Variants in DLGAP2 observed in about 807,000 individuals in gnomAD.
The protein encoded by DLGAP2 is disks large-associated protein 2.
In DLGAP2, 26 loss-of-function variants were observed where a neutral mutation model predicts 100.3. The ratio of observed to expected loss-of-function variants is 0.26; its 90% CI spans 0.19 to 0.36. The LOEUF (loss-of-function observed/expected upper bound fraction) is 0.36. Ranked by LOEUF, DLGAP2 falls within the 10% of genes least tolerant of loss-of-function variation. DLGAP2 has a pLI of 1.00. For synonymous variants in DLGAP2, 886 were observed against 630.1 expected, an observed-to-expected ratio of 1.41 and a Z score of -6.08; for missense variants, 1,858 against 1,453.2, an observed-to-expected ratio of 1.28 and a Z score of -4.53.
chr8:949,152 G>A (rs984914859), intron 2 of DLGAP2, among the ~76,000 whole-genome samples: 14 of 152,252 alleles, frequency 9.2e-5, no homozygotes, highest in African/African-American at 3.4e-4. Flanking sequence ...CAGCTGAAGG[G>A]ATTTGTGGGT....
intron 8 of DLGAP2, 59 bp downstream of exon 8, chr8:1,633,105 T>A: frequency 6.4e-7 from 1 of 1,565,106 alleles, no homozygotes; most frequent in South Asian, 1.1e-5. Flanking sequence ...CCTGTCTTCA[T>A]CCTAGAAGGA....
intron 1 of DLGAP2, among the ~76,000 whole-genome samples, chr8:857,430 A>T (rs1299888422): frequency 2.0e-5 from 3 of 152,242 alleles, no homozygotes; most frequent in Admixed American, 2.0e-4. Context: ...TTTGCAAAAC[A>T]CACACCTGAT....
intron 1 of DLGAP2, among the ~76,000 whole-genome samples, chr8:843,266 G>A (rs1043266876): frequency 3.9e-5 from 6 of 152,228 alleles, no homozygotes; most frequent in Non-Finnish European, 7.3e-5. Context: ...TTTGACTTCT[G>A]AGATTTCCTG....
Position 1,701,603 on chromosome 8 carries a change from TTTGTTGTTG to T in DLGAP2, c.*209_*217del, listed in dbSNP as rs796566572. On this transcript the variant is annotated 3_prime_UTR_variant, in exon 15 of 15. Transcript: ENST00000637795. ...GCTCGCGGCGAGGACGACTTCTGCT[TTTGTTGTTG>T]TTGTTGTTGTTCACGGGTGGCCTGG... 2 of 617,170 alleles carry T rather than the reference TTTGTTGTTG, an allele frequency of 3.2e-6. No individual in the cohort carries two copies. The highest frequency in any genetic ancestry group is 5.9e-5 in the East Asian group (2 of 33,714). 38.2% of individuals were successfully genotyped at this position (617,170 alleles called of 1,614,324 possible). A position where few individuals can be genotyped will look rare whatever the true frequency, so the allele number is the denominator to read the frequency against.
intron 6 of DLGAP2, among the ~76,000 whole-genome samples, chr8:1,602,248 ATGT>A (rs1796651572): frequency 6.6e-6 from 1 of 152,214 alleles, no homozygotes; most frequent in African/African-American, 2.4e-5. Flanking sequence ...GTGTAAGATA[ATGT>A]TGTTATTTCT....
chr8:1,322,248 A>G (rs766133733), intron 3 of DLGAP2, among the ~76,000 whole-genome samples: 3 of 152,274 alleles, frequency 2.0e-5, no homozygotes, highest in African/African-American at 4.8e-5. Context: ...CGAGTATTTC[A>G]TATTTTCCAA....
chr8:1,632,831 G>A lies in DLGAP2; in HGVS notation c.1595G>A (p.Ser532Asn), dbSNP rs1191902690. The change falls in exon 8 of 15, where the codon AGC (serine) becomes AAC (asparagine). Residue 532 changes from serine (S) to asparagine (N), a missense_variant. Ser to Asn is a conservative substitution (Grantham distance 46). Coordinates refer to ENST00000637795, the MANE Select transcript of DLGAP2 (RefSeq NM_001346810.2). Reference protein sequence around the residue: ...LSQASCVSQVSEAEINGQFES... With the variant: ...LSQASCVSQVNEAEINGQFES... The stretch of plus-strand genomic sequence containing the variant: ...GTGTGCTGTTGATGATTGCAGGTGA[G>A]CGAGGCGGAGATCAATGGGCAATTC... 3 of 1,605,832 alleles carry A rather than the reference G, an allele frequency of 1.9e-6. No homozygotes were observed. The highest frequency in any genetic ancestry group is 2.7e-5 in the African/African-American group (2 of 74,858).
In DLGAP2 at chr8:1,090,735, C is replaced by G. The variant is rs79630082; in HGVS notation, c.74-168116C>G. Among the ~76,000 whole-genome samples the G allele has an allele frequency of 3.3e-5, 5 of 152,272 alleles. No homozygotes were observed. In the South Asian group the frequency reaches 1.0e-3, roughly 32 times the overall value. On this transcript the variant is annotated intron_variant, in intron 2 of 14. Transcript: ENST00000637795. ...CACCCTGGGGTTTGTTTTCTGTTTCCAAGTTTTTATCCTGCATAGGTTGTT... is the reference window on the plus strand; with the variant it reads ...CACCCTGGGGTTTGTTTTCTGTTTCGAAGTTTTTATCCTGCATAGGTTGTT...
intron 8 of DLGAP2, among the ~76,000 whole-genome samples, chr8:1,659,581 C>T (rs903610674): frequency 3.3e-5 from 5 of 152,168 alleles, no homozygotes; most frequent in African/African-American, 1.2e-4. Context: ...GCATTGATTC[C>T]TTTACCTTTA....
At chr8:1,667,089 G>T (rs1410558991) in intron 8 of DLGAP2, among the ~76,000 whole-genome samples, 3 of 152,228 alleles carry the variant, frequency 2.0e-5, no homozygotes, top group Non-Finnish European at 2.9e-5. Context: ...TGGGGTGGTG[G>T]TTGCTTTGCA....
chr8:1,380,767 G>A (rs896252827), intron 3 of DLGAP2, among the ~76,000 whole-genome samples: 1 of 151,852 alleles, frequency 6.6e-6, no homozygotes, highest in African/African-American at 2.4e-5. Context: ...GGGACACAGG[G>A]ATAGCTATTT....
At chr8:1,515,826 C>A (rs761751161) in intron 4 of DLGAP2, among the ~76,000 whole-genome samples, 10 of 152,242 alleles carry the variant, frequency 6.6e-5, no homozygotes. Flanking sequence ...TGCTCCCATT[C>A]CCTCTGTACT....
intron 1 of DLGAP2, among the ~76,000 whole-genome samples, chr8:872,189 T>G (rs1427071225): frequency 6.6e-6 from 1 of 152,126 alleles, no homozygotes; most frequent in Non-Finnish European, 1.5e-5. Context: ...CTAAGGTTCA[T>G]TTTTAATAAT....
chr8:1,510,568 C>T (rs914289699), intron 4 of DLGAP2, among the ~76,000 whole-genome samples: 3 of 152,198 alleles, frequency 2.0e-5, no homozygotes, highest in Non-Finnish European at 4.4e-5. Flanking sequence ...TCTGCGTGGG[C>T]TCCCTGCGTT....
intron 2 of DLGAP2, among the ~76,000 whole-genome samples, chr8:1,239,652 TGGTGCTGTGTCTA>T (rs1798740860): frequency 5.7e-5 from 1 of 17,394 alleles, no homozygotes; most frequent in Non-Finnish European, 1.1e-4. Flanking sequence ...ACCTCTCACA[TGGTGCTGTGTCTA>T]GTTCTCTCTC....
intron 8 of DLGAP2, among the ~76,000 whole-genome samples, chr8:1,636,014 C>T (rs895011145): frequency 6.6e-6 from 1 of 152,186 alleles, no homozygotes; most frequent in Admixed American, 6.5e-5. Flanking sequence ...TATAAACGTT[C>T]CTTCGTCCCA....
intron 3 of DLGAP2, among the ~76,000 whole-genome samples, chr8:1,290,032 A>G (rs989499606): frequency 6.6e-6 from 1 of 152,128 alleles, no homozygotes; most frequent in Non-Finnish European, 1.5e-5. Context: ...AAGAAAACTA[A>G]CCACTGTTCA....
At chr8:1,107,938 A>T (rs1244125383) in intron 2 of DLGAP2, among the ~76,000 whole-genome samples, 2 of 152,168 alleles carry the variant, frequency 1.3e-5, no homozygotes, top group African/African-American at 4.8e-5. Flanking sequence ...ACAGAACGTA[A>T]CCCTGGGTTG....
rs1032111628 is a variant in DLGAP2, at chr8:1,707,665, C to A, written c.*6259C>A. ...ACAACTCATCCCCCGACCTTCCATACTACAGACCAAAATACCCAGGTGTGG... is the reference window on the plus strand; with the variant it reads ...ACAACTCATCCCCCGACCTTCCATAATACAGACCAAAATACCCAGGTGTGG... On this transcript the variant is annotated 3_prime_UTR_variant, in exon 15 of 15. Transcript: ENST00000637795. The A allele has an allele frequency of 6.6e-6, 1 of 152,186 alleles. No individual in the cohort carries two copies. The highest frequency in any genetic ancestry group is 1.5e-5 in the Non-Finnish European group (1 of 68,044). The allele number at this position is 152,186 out of a possible 1,614,324, so 9.4% of individuals were successfully genotyped here.
Sources: allele counts gnomAD v4.1 joint callset (sites outside exome capture counted in the v4.1 genomes callset), GRCh38; gene constraint gnomAD v4.1.1; transcripts MANE v1.5; gene names NCBI Gene and HGNC (gene_info 2026-07-23, HGNC 2026-07-21).